Variants in NCK2 observed in about 807,000 individuals in gnomAD.
NCK2 encodes the protein NCK adaptor protein 2.
A neutral mutation model predicts 33.9 loss-of-function variants in NCK2; 16 were observed. The observed-to-expected ratio is 0.47, with a 90% confidence interval of 0.32 to 0.72. The LOEUF is 0.72. Among genes scored for constraint, NCK2 ranks in the 30% least tolerant of loss-of-function variants. The pLI is 0.03. For missense variants in NCK2, 418 were observed against 537.3 expected (o/e 0.78, Z 2.19); for synonymous variants, 273 against 239.9 (o/e 1.14, Z -1.27).
chr2:105,836,850 A>G (rs1337850575), intron 2 of NCK2, among the ~76,000 whole-genome samples: 2 of 152,192 alleles, frequency 1.3e-5, no homozygotes, highest in African/African-American at 2.4e-5. Flanking sequence ...GCCTTGCTGC[A>G]GCAGCCTGGG....
chr2:105,891,235 C>T (rs1678961244), intron 4 of NCK2, among the ~76,000 whole-genome samples: 1 of 152,138 alleles, frequency 6.6e-6, no homozygotes, highest in African/African-American at 2.4e-5. Flanking sequence ...GTATCTCATG[C>T]TCCTCTTTCA....
intron 2 of NCK2, among the ~76,000 whole-genome samples, chr2:105,830,619 CA>C (rs1474810192): frequency 6.6e-6 from 1 of 150,532 alleles, no homozygotes; most frequent in Non-Finnish European, 1.5e-5. Flanking sequence ...AGATCATTTG[CA>C]CCAATGGTAA....
At chr2:105,835,908 GTC>G (rs1490583520) in intron 2 of NCK2, among the ~76,000 whole-genome samples, 2 of 151,226 alleles carry the variant, frequency 1.3e-5, no homozygotes, top group African/African-American at 4.9e-5. Flanking sequence ...GCTTGATCTA[GTC>G]TCTTTTTGAG....
chr2:105,888,219 G>C (rs749652019), intron 4 of NCK2, among the ~76,000 whole-genome samples: 3 of 152,166 alleles, frequency 2.0e-5, no homozygotes. Context: ...TGAATGGGTT[G>C]TACTAATTGT....
intron 4 of NCK2, among the ~76,000 whole-genome samples, chr2:105,890,760 T>C (rs1445507690): frequency 6.6e-6 from 1 of 152,254 alleles, no homozygotes; most frequent in Non-Finnish European, 1.5e-5. Flanking sequence ...CTCATTCCCC[T>C]GAGTTGTCAT....
intron 1 of NCK2, among the ~76,000 whole-genome samples, chr2:105,772,112 G>C (rs1055900732): frequency 2.0e-5 from 3 of 150,506 alleles, no homozygotes; most frequent in Non-Finnish European, 4.5e-5. Flanking sequence ...GATGGCGGAG[G>C]GGGTAGCGTT....
chr2:105,847,327 A>T (rs1376341667), intron 2 of NCK2: 3 of 152,214 alleles, frequency 2.0e-5, no homozygotes, highest in Non-Finnish European at 4.4e-5. Flanking sequence ...GTGAAAAAAA[A>T]AAAGAATATG....
chr2:105,795,545 A>C (rs181876092), intron 1 of NCK2, among the ~76,000 whole-genome samples: 1 of 152,346 alleles, frequency 6.6e-6, no homozygotes, highest in Non-Finnish European at 1.5e-5. Flanking sequence ...TTTTGCTTTA[A>C]CAAACTTGGT....
At position 105,881,497 on chromosome 2, in the gene NCK2, G is replaced by T; in HGVS notation, c.396G>T (p.Leu132=). The part of the protein sequence containing the change: ...YVAEREDELS[L]VKGSRVTVME... Reference sequence around the variant, plus strand: ...CCGAGCGGGAGGATGAGTTGTCCCTGGTGAAGGGGTCGCGCGTCACCGTCA... The same window carrying T: ...CCGAGCGGGAGGATGAGTTGTCCCTTGTGAAGGGGTCGCGCGTCACCGTCA... Residue 132 remains leucine, a synonymous_variant, in exon 4 of 5, where the codon CTG becomes CTT. Transcript: ENST00000233154. The T allele has an allele frequency of 6.2e-7, 1 of 1,614,020 alleles. No individual in the cohort carries two copies. The highest frequency in any genetic ancestry group is 1.3e-5 in the African/African-American group (1 of 75,068).
At chr2:105,759,600 C>CA (rs1689701551) in intron 1 of NCK2, among the ~76,000 whole-genome samples, 1 of 152,200 alleles carries the variant, frequency 6.6e-6, no homozygotes, top group Non-Finnish European at 1.5e-5. Context: ...CTGTGATTCA[C>CA]ATCTTACGTT....
intron 1 of NCK2, among the ~76,000 whole-genome samples, chr2:105,756,581 C>T: frequency 6.6e-6 from 1 of 152,204 alleles, no homozygotes; most frequent in East Asian, 1.9e-4. Flanking sequence ...CCAGGGCACA[C>T]TGACTGGCCC....
chr2:105,766,285 T>G (rs1689946117), intron 1 of NCK2, among the ~76,000 whole-genome samples: 1 of 152,112 alleles, frequency 6.6e-6, no homozygotes, highest in East Asian at 1.9e-4. Flanking sequence ...GAGAACCTGA[T>G]GTATTTCTTT....
chr2:105,871,489 G>A (rs1035107423), intron 3 of NCK2, among the ~76,000 whole-genome samples: 1 of 151,634 alleles, frequency 6.6e-6, no homozygotes, highest in African/African-American at 2.4e-5. Context: ...AAAAGATAAT[G>A]GTTTTTCTTT....
At position 105,760,497 on chromosome 2, in the gene NCK2, A is replaced by C. The variant is rs564956618; in HGVS notation, c.-201+15359A>C. Among the ~76,000 whole-genome samples the C allele has an allele frequency of 5.2e-4, 79 of 152,264 alleles. 3 individuals carry two copies. In the South Asian group the frequency reaches 0.016, roughly 31 times the overall value. ...GGCCAGGAGTCAGGCCCTCACCTCC[A>C]TCCTTGCCGTTCACACCTCTTCCCT... is the stretch of plus-strand genomic sequence containing the variant. On this transcript the variant is annotated intron_variant, in intron 1 of 4. Coordinates refer to ENST00000233154, the MANE Select transcript of NCK2 (RefSeq NM_003581.5).
rs747869528 is a variant in NCK2 at position 105,881,962 on chromosome 2, C to T, written c.861C>T (p.Tyr287=). The T allele has an allele frequency of 7.2e-6, 11 of 1,537,282 alleles. No individual in the cohort carries two copies. The highest frequency in any genetic ancestry group is 4.1e-5 in the African/African-American group (3 of 72,394). Residue 287 remains tyrosine (Y), a synonymous_variant, in exon 4 of 5, where the codon TAC becomes TAT. Coordinates refer to ENST00000233154, the MANE Select transcript of NCK2 (RefSeq NM_003581.5). The part of the protein sequence containing the change: ...SGRFAGREWY[Y]GNVTRHQAEC... ...GCTTCGCGGGCAGAGAGTGGTACTACGGGAACGTGACGCGGCACCAGGCCG... is the reference window on the plus strand; with the variant it reads ...GCTTCGCGGGCAGAGAGTGGTACTATGGGAACGTGACGCGGCACCAGGCCG...
At chr2:105,758,923 A>G (rs982972305) in intron 1 of NCK2, among the ~76,000 whole-genome samples, 8 of 152,192 alleles carry the variant, frequency 5.3e-5, no homozygotes, top group Admixed American at 4.6e-4. Context: ...AACTAGTAAA[A>G]TCATTATTAG....
chr2:105,830,695 G>GTGTGTA (rs1676147016), intron 2 of NCK2, among the ~76,000 whole-genome samples: 1 of 150,868 alleles, frequency 6.6e-6, no homozygotes, highest in African/African-American at 2.4e-5. Context: ...GTGTGTGTGT[G>GTGTGTA]TGTGTGTGTG....
chr2:105,746,581 A>G (rs923567758), intron 1 of NCK2, among the ~76,000 whole-genome samples: 3 of 152,184 alleles, frequency 2.0e-5, no homozygotes, highest in African/African-American at 4.8e-5. Flanking sequence ...AATTAGTAAC[A>G]GGATTCAAGC....
Position 105,881,452 on chromosome 2 carries a change from C to T in NCK2, c.351C>T (p.Phe117=), listed in dbSNP as rs1205672127. ...TCTACGACCTCAACATCCCGGCCTT[C>T]GTCAAGTTCGCCTATGTGGCCGAGC... ...DRIYDLNIPA[F]VKFAYVAERE... Residue 117 remains phenylalanine (F), a synonymous_variant, in exon 4 of 5, where the codon TTC becomes TTT. Transcript: ENST00000233154. 2.5e-6 allele frequency: 4 copies of T among 1,613,640 alleles called. No homozygotes were observed. Among genetic ancestry groups the T allele is most frequent in the Non-Finnish European group, 2.5e-6 (3 of 1,179,996 alleles).
Sources: allele counts gnomAD v4.1 joint callset (sites outside exome capture counted in the v4.1 genomes callset), GRCh38; gene constraint gnomAD v4.1.1; transcripts MANE v1.5; gene names NCBI Gene and HGNC (gene_info 2026-07-23, HGNC 2026-07-21).